The following SNX7 variants were observed in gnomAD, a reference collection of about 807,000 sequenced individuals.
SNX7 encodes sorting nexin-7.
A neutral mutation model predicts 48.4 loss-of-function variants in SNX7; 35 were observed. The observed-to-expected ratio is 0.72, with a 90% CI of 0.55 to 0.96. SNX7 has a LOEUF of 0.96. Among genes scored for constraint, SNX7 ranks in the 40% least tolerant of loss-of-function variants. SNX7 has a pLI of 0.00. For synonymous variants in SNX7, 190 were observed against 190.2 expected (o/e 1.00, Z 0.01); for missense variants, 553 against 548.9 (o/e 1.01, Z -0.07).
At chr1:98,680,164 G>A (rs757600406) in intron 1 of SNX7, among the ~76,000 whole-genome samples, 2 of 152,176 alleles carry the variant, frequency 1.3e-5, no homozygotes, top group African/African-American at 2.4e-5. Flanking sequence ...TCCCAACACT[G>A]TGTGGAAGCT....
At chr1:98,678,236 G>A (rs146463453) in intron 1 of SNX7, among the ~76,000 whole-genome samples, 140 of 152,224 alleles carry the variant, frequency 9.2e-4, no homozygotes, top group African/African-American at 3.3e-3. Flanking sequence ...AGAGAAAGAG[G>A]ACGATCCAGG....
chr1:98,722,651 A>G (rs781374486), intron 7 of SNX7, among the ~76,000 whole-genome samples: 1 of 151,992 alleles, frequency 6.6e-6, no homozygotes, highest in Non-Finnish European at 1.5e-5. Flanking sequence ...TTTTTTTTCC[A>G]TAAAAGGAAA....
chr1:98,666,680 A>G (rs1043628099), intron 1 of SNX7, among the ~76,000 whole-genome samples: 7 of 152,046 alleles, frequency 4.6e-5, no homozygotes, highest in African/African-American at 1.4e-4. Flanking sequence ...CTACGGAGAG[A>G]TGGTATAAGT....
intron 7 of SNX7, among the ~76,000 whole-genome samples, chr1:98,720,160 C>T (rs973401886): frequency 6.6e-6 from 1 of 151,750 alleles, no homozygotes; most frequent in African/African-American, 2.4e-5. Flanking sequence ...AATGGCAGGA[C>T]TTGTCTACCC....
At chr1:98,757,592 G>C (rs1328022847) in intron 8 of SNX7, among the ~76,000 whole-genome samples, 1 of 151,934 alleles carries the variant, frequency 6.6e-6, no homozygotes, top group African/African-American at 2.4e-5. Context: ...TGAGGTACTA[G>C]AATTAGAGCT....
chr1:98,727,835 G>A (rs1210831336), intron 7 of SNX7, among the ~76,000 whole-genome samples: 1 of 151,864 alleles, frequency 6.6e-6, no homozygotes, highest in African/African-American at 2.4e-5. Context: ...CAATATTAGA[G>A]CAAAAAGAAT....
chr1:98,684,697 T>C (rs1388025014), intron 1 of SNX7, among the ~76,000 whole-genome samples, 188 bp from the exon 2 acceptor site: 4 of 152,220 alleles, frequency 2.6e-5, no homozygotes, highest in Admixed American at 6.5e-5. Flanking sequence ...TTTCTTTCTT[T>C]ACTGTCATCT....
At chr1:98,756,660 G>A (rs1199824736) in intron 8 of SNX7, among the ~76,000 whole-genome samples, 1 of 151,462 alleles carries the variant, frequency 6.6e-6, no homozygotes, top group African/African-American at 2.4e-5. Context: ...GGCACCCTCC[G>A]CATATCTCCA....
chr1:98,715,596 A>G (rs1235642453), intron 7 of SNX7, among the ~76,000 whole-genome samples: 5 of 152,192 alleles, frequency 3.3e-5, no homozygotes, highest in Non-Finnish European at 7.3e-5. Flanking sequence ...TATTATCATT[A>G]CTTGTTTTGA....
At chr1:98,739,681 G>A (rs1203554639) in intron 8 of SNX7, among the ~76,000 whole-genome samples, 1 of 139,736 alleles carries the variant, frequency 7.2e-6, no homozygotes, top group Non-Finnish European at 1.6e-5. Flanking sequence ...TGAATAAGGA[G>A]TTGCCAGATA....
chr1:98,729,693 C>A (rs1441466956), intron 7 of SNX7, among the ~76,000 whole-genome samples: 2 of 152,102 alleles, frequency 1.3e-5, no homozygotes, highest in Admixed American at 6.5e-5. Context: ...TACCTAGACA[C>A]TTTAAAGACT....
intron 1 of SNX7, among the ~76,000 whole-genome samples, chr1:98,675,660 A>G (rs1650122146): frequency 6.6e-6 from 1 of 152,218 alleles, no homozygotes; most frequent in Non-Finnish European, 1.5e-5. Context: ...AGTAAAATAC[A>G]AAGTACGTTT....
At chr1:98,697,072 TG>T (rs1464984863) in intron 5 of SNX7, among the ~76,000 whole-genome samples, 1 of 152,124 alleles carries the variant, frequency 6.6e-6, no homozygotes, top group Admixed American at 6.5e-5. Flanking sequence ...TCAGGTTTAA[TG>T]ACTGACATTG....
intron 7 of SNX7, among the ~76,000 whole-genome samples, chr1:98,704,403 G>C (rs1557809809): frequency 6.6e-6 from 1 of 152,156 alleles, no homozygotes; most frequent in Non-Finnish European, 1.5e-5. Context: ...TATGGGGACT[G>C]AGTTAATGAT....
intron 1 of SNX7, chr1:98,662,204 C>T (rs1355249865): frequency 4.5e-5 from 12 of 266,690 alleles, no homozygotes; most frequent in Non-Finnish European, 7.7e-5. Context: ...TTTTCCCTTT[C>T]TGCTTCTCTG....
chr1:98,740,184 T>C (rs191158093), intron 8 of SNX7, among the ~76,000 whole-genome samples: 1 of 152,338 alleles, frequency 6.6e-6, no homozygotes, highest in Non-Finnish European at 1.5e-5. Flanking sequence ...GTATCTAAAA[T>C]GAATTTCCCA....
chr1:98,662,631 G>A, intron 1 of SNX7: 1 of 1,262,174 alleles, frequency 7.9e-7, no homozygotes, highest in Non-Finnish European at 1.0e-6. Flanking sequence ...TAGACTTTTG[G>A]TACGTGTAGA....
intron 1 of SNX7, among the ~76,000 whole-genome samples, chr1:98,665,012 C>G (rs796631603): frequency 6.6e-5 from 10 of 152,204 alleles, no homozygotes; most frequent in African/African-American, 2.4e-4. Context: ...GGAAAAAATC[C>G]TCCTCTTTGG....
chr1:98,729,624 TATAAA>T, intron 7 of SNX7, among the ~76,000 whole-genome samples: 1 of 152,006 alleles, frequency 6.6e-6, no homozygotes, highest in Non-Finnish European at 1.5e-5. Context: ...CAGAGAATAC[TATAAA>T]CACCTCTATG....
Sources: gnomAD v4.1 joint callset for allele counts (sites outside exome capture counted in the v4.1 genomes callset) on GRCh38, gnomAD v4.1.1 for gene constraint, MANE v1.5 for transcripts, NCBI Gene and HGNC (gene_info 2026-07-23, HGNC 2026-07-21) for gene names.